Variants in CSMD1 observed in about 807,000 individuals in gnomAD.
The protein encoded by CSMD1 is CUB and sushi domain-containing protein 1.
A neutral mutation model predicts 417.5 loss-of-function variants in CSMD1; 213 were observed. The ratio of observed to expected loss-of-function variants is 0.51; its 90% CI spans 0.46 to 0.57. CSMD1 has a LOEUF of 0.57. Ranked by LOEUF, CSMD1 falls within the 20% of genes least tolerant of loss-of-function variation. The probability of loss-of-function intolerance (pLI) is 0.00; values close to 1 mark genes in which losing one functional copy is unlikely to be tolerated. For synonymous variants in CSMD1, 2,862 were observed against 1,736.8 expected (o/e 1.65, Z -16.11); for missense variants, 6,923 against 4,529.7 (o/e 1.53, Z -15.17).
chr8:4,261,153 C>G (rs918170328), intron 3 of CSMD1, among the ~76,000 whole-genome samples: 2 of 152,150 alleles, frequency 1.3e-5, no homozygotes, highest in African/African-American at 4.8e-5. Context: ...CTTCTACTGG[C>G]TTGAAAGTTG....
chr8:3,958,467 G>T (rs747201349), intron 5 of CSMD1, among the ~76,000 whole-genome samples: 1 of 151,946 alleles, frequency 6.6e-6, no homozygotes, highest in Admixed American at 6.5e-5. Flanking sequence ...TTTTAAAAAT[G>T]AATTATAATT....
chr8:3,046,079 G>C (rs1009856686), intron 50 of CSMD1, among the ~76,000 whole-genome samples: 1 of 152,142 alleles, frequency 6.6e-6, no homozygotes, highest in African/African-American at 2.4e-5. Context: ...TCAAAATAAA[G>C]AGAAGTTTGT....
chr8:3,194,293 C>T (rs1796579253), intron 33 of CSMD1, among the ~76,000 whole-genome samples: 1 of 152,072 alleles, frequency 6.6e-6, no homozygotes, highest in Non-Finnish European at 1.5e-5. Context: ...TATTTGCCTG[C>T]CCAGAAATAA....
intron 5 of CSMD1, among the ~76,000 whole-genome samples, chr8:3,764,520 C>T (rs1336564398): frequency 6.6e-6 from 1 of 152,108 alleles, no homozygotes; most frequent in African/African-American, 2.4e-5. Flanking sequence ...ACGGATGTCA[C>T]ACCTGAGACA....
chr8:4,130,909 G>T (rs1048158590), intron 3 of CSMD1, among the ~76,000 whole-genome samples: 18 of 151,872 alleles, frequency 1.2e-4, no homozygotes, highest in African/African-American at 4.3e-4. Context: ...GCATTGGATG[G>T]ACGGATTAAT....
chr8:3,102,551 C>T (rs552919209), intron 46 of CSMD1, among the ~76,000 whole-genome samples: 1 of 152,272 alleles, frequency 6.6e-6, no homozygotes, highest in African/African-American at 2.4e-5. Context: ...TTGATTTAGA[C>T]ATGTGCCACT....
chr8:3,979,142 GC>G (rs1185812408), intron 5 of CSMD1, among the ~76,000 whole-genome samples: 2 of 152,208 alleles, frequency 1.3e-5, no homozygotes, highest in African/African-American at 4.8e-5. Context: ...GGGGCCTCAG[GC>G]CCTGATCACA....
At chr8:3,188,758 A>G in intron 35 of CSMD1, 129 bp downstream of exon 35, 1 of 480,190 alleles carries the variant, frequency 2.1e-6, no homozygotes, top group Non-Finnish European at 3.2e-6. Flanking sequence ...TAAAATAACC[A>G]GTATAAAAGG....
intron 5 of CSMD1, among the ~76,000 whole-genome samples, chr8:3,916,757 G>C (rs746127755): frequency 4.6e-5 from 7 of 152,094 alleles, no homozygotes; most frequent in Non-Finnish European, 8.8e-5. Context: ...CACAAAACTA[G>C]AGAGAGAAAA....
Position 3,678,970 on chromosome 8 carries a change from AG to A in CSMD1, c.1009+29443del, listed in dbSNP as rs1366234686. ...TAAGTGAAGAAATAAAATACTTCAC[AG>A]ACAAGCAAATGCTGAGAGATTTTGC... On this transcript the variant is annotated intron_variant, in intron 7 of 69. Transcript: ENST00000635120. Among the ~76,000 whole-genome samples the A allele has an allele frequency of 1.3e-5, 2 of 152,332 alleles. 1 individual carries two copies. Among genetic ancestry groups the A allele is most frequent in the East Asian group, 3.9e-4 (2 of 5,184 alleles).
chr8:3,104,178 T>C (rs1328659306), intron 46 of CSMD1, among the ~76,000 whole-genome samples: 1 of 152,210 alleles, frequency 6.6e-6, no homozygotes, highest in East Asian at 1.9e-4. Flanking sequence ...AAAATGTACC[T>C]TAAAAATGTG....
At chr8:4,919,760 T>C (rs982648695) in intron 1 of CSMD1, among the ~76,000 whole-genome samples, 1 of 152,216 alleles carries the variant, frequency 6.6e-6, no homozygotes, top group East Asian at 1.9e-4. Context: ...GTGATTAGCC[T>C]GTGATGGCTG....
chr8:4,870,994 G>C (rs1030909), intron 1 of CSMD1, among the ~76,000 whole-genome samples: 136,448 of 152,100 alleles, frequency 0.9, 62,562 homozygotes, highest in Non-Finnish European at 0.98. Flanking sequence ...GATGCCACAG[G>C]GTCTGGTCTG....
At position 4,031,789 on chromosome 8, in the gene CSMD1, G is replaced by T. The variant is rs1797359797; in HGVS notation, c.610+116C>A. On this transcript the variant is annotated intron_variant, in intron 4 of 69. Transcript: ENST00000635120. Reference sequence around the variant, plus strand: ...TTCAGGAGCAGAATGAGCTGACATTGTAAGAGTCAGCTCAACATGTATTAT... The same window carrying T: ...TTCAGGAGCAGAATGAGCTGACATTTTAAGAGTCAGCTCAACATGTATTAT... 7.0e-6 allele frequency: 5 copies of T among 718,590 alleles called. No homozygotes were observed. In the South Asian group the frequency reaches 8.7e-5, roughly 13 times the overall value. The allele number at this position is 718,590 out of a possible 1,614,324, so 44.5% of individuals were successfully genotyped here.
At chr8:3,223,624 C>G (rs887405602) in intron 28 of CSMD1, 105 bp downstream of exon 28, 1 of 1,165,950 alleles carries the variant, frequency 8.6e-7, no homozygotes, top group African/African-American at 1.5e-5. Flanking sequence ...AAATCTAGCA[C>G]TTACCTAGAT....
At chr8:4,280,703 A>G (rs1010065372) in intron 3 of CSMD1, among the ~76,000 whole-genome samples, 14 of 152,244 alleles carry the variant, frequency 9.2e-5, no homozygotes, top group Non-Finnish European at 1.2e-4. Flanking sequence ...ACAGCTCTAT[A>G]GCAATACCGT....
At chr8:4,272,058 T>G (rs1333609751) in intron 3 of CSMD1, among the ~76,000 whole-genome samples, 1 of 152,168 alleles carries the variant, frequency 6.6e-6, no homozygotes, top group Non-Finnish European at 1.5e-5. Flanking sequence ...AGTAGACCTG[T>G]GTAGTTCAAA....
chr8:3,906,439 C>T (rs551033703), intron 5 of CSMD1, among the ~76,000 whole-genome samples: 1 of 152,024 alleles, frequency 6.6e-6, no homozygotes, highest in African/African-American at 2.4e-5. Flanking sequence ...TGTTTAATGC[C>T]TTAGAAATCA....
At chr8:4,253,595 T>A (rs1036929446) in intron 3 of CSMD1, among the ~76,000 whole-genome samples, 10 of 152,258 alleles carry the variant, frequency 6.6e-5, no homozygotes, top group African/African-American at 2.4e-4. Context: ...TAAAATGAGA[T>A]GAGAAAGTAT....
Sources: allele counts gnomAD v4.1 joint callset (sites outside exome capture counted in the v4.1 genomes callset), GRCh38; gene constraint gnomAD v4.1.1; transcripts MANE v1.5; gene names NCBI Gene and HGNC (gene_info 2026-07-23, HGNC 2026-07-21).